Variants in XKR9 observed in about 807,000 individuals in gnomAD.
XKR9 encodes XK related 9, also known as XK-related protein 9.
XKR9 carries 32 observed loss-of-function variants against 32.0 expected under a neutral mutation model. The ratio of observed to expected loss-of-function variants is 1.00; its 90% CI spans 0.76 to 1.34. The LOEUF (loss-of-function observed/expected upper bound fraction) is 1.34, where lower values mean the gene tolerates loss of function less well. XKR9 is among the 40% of genes most tolerant of loss of function. The probability of loss-of-function intolerance (pLI) is 0.00; values close to 1 mark genes in which losing one functional copy is unlikely to be tolerated. For missense variants in XKR9, 546 were observed against 429.7 expected (o/e 1.27, Z -2.39); for synonymous variants, 168 against 143.4 (o/e 1.17, Z -1.22).
At chr8:70,859,246 A>G in the XKR9 span, among the ~76,000 whole-genome samples, 1 of 152,280 alleles carries the variant, frequency 6.6e-6, no homozygotes, top group Non-Finnish European at 1.5e-5. Context: ...GATATATGAA[A>G]AAATTTACCA....
the XKR9 span, among the ~76,000 whole-genome samples, chr8:70,853,698 C>G: frequency 6.6e-6 from 1 of 152,086 alleles, no homozygotes; most frequent in East Asian, 1.9e-4. Context: ...CCACAACAGG[C>G]CCTGGTGTGT....
At chr8:71,039,805 A>G in the XKR9 span, among the ~76,000 whole-genome samples, 17 of 152,252 alleles carry the variant, frequency 1.1e-4, no homozygotes, top group African/African-American at 3.9e-4. Context: ...GGGGATTGTG[A>G]TGAAAGAAGT....
At chr8:70,745,965 C>T (rs1381528120) in intron 2 of XKR9, among the ~76,000 whole-genome samples, 1 of 152,108 alleles carries the variant, frequency 6.6e-6, no homozygotes, top group Non-Finnish European at 1.5e-5. Context: ...TGAGCATTTG[C>T]ACATATACAT....
chr8:70,893,281 T>C, the XKR9 span, among the ~76,000 whole-genome samples: 32 of 152,374 alleles, frequency 2.1e-4, no homozygotes, highest in African/African-American at 7.5e-4. Context: ...TATTTTCTTA[T>C]ATTTCATTGA....
the XKR9 span, among the ~76,000 whole-genome samples, chr8:71,025,879 C>A: frequency 6.6e-6 from 1 of 152,088 alleles, no homozygotes; most frequent in Non-Finnish European, 1.5e-5. Flanking sequence ...TGTTGCCTTC[C>A]AACCCGGCCC....
At chr8:70,712,153 T>G (rs548612765) in intron 4 of XKR9, among the ~76,000 whole-genome samples, 15 of 152,228 alleles carry the variant, frequency 9.9e-5, no homozygotes, top group African/African-American at 3.6e-4. Context: ...CAGAGTAGAA[T>G]AGCAGATTAG....
At chr8:70,981,346 T>C in the XKR9 span, among the ~76,000 whole-genome samples, 2 of 152,158 alleles carry the variant, frequency 1.3e-5, no homozygotes, top group African/African-American at 2.4e-5. Flanking sequence ...AAAAATTATT[T>C]TTTCTTTGTC....
chr8:70,856,822 C>A, the XKR9 span, among the ~76,000 whole-genome samples: 23 of 152,168 alleles, frequency 1.5e-4, no homozygotes, highest in African/African-American at 1.9e-4. Context: ...AAGAAACTCA[C>A]TCAAAGCCGC....
the XKR9 span, among the ~76,000 whole-genome samples, chr8:70,851,873 G>T: frequency 6.6e-6 from 1 of 152,156 alleles, no homozygotes; most frequent in Non-Finnish European, 1.5e-5. Flanking sequence ...ATAGGCATGG[G>T]CAAGGACTTC....
the XKR9 span, among the ~76,000 whole-genome samples, chr8:71,015,775 G>A: frequency 8.6e-6 from 1 of 116,766 alleles, no homozygotes; most frequent in Non-Finnish European, 2.1e-5. Flanking sequence ...CTCATTAGCT[G>A]TTAAAAAAAA....
chr8:70,711,076 C>G (rs982104701), intron 4 of XKR9, among the ~76,000 whole-genome samples: 1 of 152,094 alleles, frequency 6.6e-6, no homozygotes, highest in Non-Finnish European at 1.5e-5. Context: ...CAATGAGATA[C>G]CCTTGCACAT....
intron 4 of XKR9, among the ~76,000 whole-genome samples, chr8:70,731,428 G>T (rs184196681): frequency 1.2e-4 from 18 of 152,226 alleles, no homozygotes; most frequent in Non-Finnish European, 2.1e-4. Flanking sequence ...CATAGCTGTG[G>T]GGTTCAAGCC....
rs769357697 is a variant in XKR9 at position 70,734,443 on chromosome 8, A to G, written c.*19A>G. On this transcript the variant is annotated 3_prime_UTR_variant, in exon 5 of 5. Transcript: ENST00000408926. ...GGAATAAGCTATTCATTTATGATAT[A>G]TATTTTCTTATATTTTGTTTCATTG... 6.1e-6 allele frequency: 9 copies of G among 1,473,986 alleles called. No homozygotes were observed. Among genetic ancestry groups the G allele is most frequent in the Admixed American group, 2.5e-5 (1 of 40,728 alleles). 91.3% of individuals were successfully genotyped at this position (1,473,986 alleles called of 1,614,324 possible). A position where few individuals can be genotyped will look rare whatever the true frequency, so the allele number is the denominator to read the frequency against.
the XKR9 span, among the ~76,000 whole-genome samples, chr8:70,868,277 C>T: frequency 6.6e-6 from 1 of 152,116 alleles, no homozygotes; most frequent in Non-Finnish European, 1.5e-5. Flanking sequence ...TGTGTGGGGG[C>T]TCTGACCCCA....
intron 2 of XKR9, among the ~76,000 whole-genome samples, chr8:70,776,241 T>C (rs192492519): frequency 6.6e-6 from 1 of 152,312 alleles, no homozygotes; most frequent in East Asian, 1.9e-4. Context: ...GTTTCTTTAA[T>C]TGACAAGGGA....
At chr8:70,766,205 A>C (rs556591029) in intron 2 of XKR9, among the ~76,000 whole-genome samples, 1 of 152,220 alleles carries the variant, frequency 6.6e-6, no homozygotes, top group South Asian at 2.1e-4. Context: ...CAGTATGGCC[A>C]TTTTCATGGT....
chr8:70,855,520 C>T, the XKR9 span, among the ~76,000 whole-genome samples: 11 of 152,186 alleles, frequency 7.2e-5, no homozygotes, highest in East Asian at 1.3e-3. Flanking sequence ...CTGAAAGTGA[C>T]GGGGAGAATG....
chr8:71,012,044 A>AC, the XKR9 span, among the ~76,000 whole-genome samples: 1 of 150,974 alleles, frequency 6.6e-6, no homozygotes, highest in Admixed American at 6.6e-5. Context: ...GGAAAAAAAA[A>AC]CCCTCTTCAC....
the XKR9 span, among the ~76,000 whole-genome samples, chr8:71,049,358 A>G: frequency 6.6e-6 from 1 of 152,224 alleles, no homozygotes; most frequent in South Asian, 2.1e-4. Context: ...ATATATGTAC[A>G]CATATGCAAC....
Sources: allele counts gnomAD v4.1 joint callset (sites outside exome capture counted in the v4.1 genomes callset), GRCh38; gene constraint gnomAD v4.1.1; transcripts MANE v1.5; gene names NCBI Gene and HGNC (gene_info 2026-07-23, HGNC 2026-07-21).